Variants in C2CD5 observed in about 807,000 individuals in gnomAD.
C2CD5 encodes C2 domain-containing protein 5.
C2CD5 carries 109 observed loss-of-function variants against 130.3 expected under a neutral mutation model. That is an observed-to-expected ratio of 0.84 (90% confidence interval 0.72 to 0.98). The LOEUF (loss-of-function observed/expected upper bound fraction) is 0.98. Among genes scored for constraint, C2CD5 ranks in the 50% least tolerant of loss-of-function variants. C2CD5 has a pLI of 0.00. For synonymous variants in C2CD5, 454 were observed against 429.2 expected, an observed-to-expected ratio of 1.06 and a Z score of -0.71; for missense variants, 996 against 1,261.8, an observed-to-expected ratio of 0.79 and a Z score of 3.19.
In C2CD5 at chr12:22,459,545, A is replaced by G; in HGVS notation, c.2534-3T>C. 6.6e-7 allele frequency: 1 copy of G among 1,520,154 alleles called. No individual in the cohort carries two copies. The highest frequency in any genetic ancestry group is 8.8e-7 in the Non-Finnish European group (1 of 1,132,568). The allele number at this position is 1,520,154 out of a possible 1,614,324, so 94.2% of individuals were successfully genotyped here. A position where few individuals can be genotyped will look rare whatever the true frequency, so the allele number is the denominator to read the frequency against. The stretch of plus-strand genomic sequence containing the variant: ...AGAACTTGCACTCTCCAGGTGTTCT[A>G]ATAAGACAATATGAACAACATTAGC... On this transcript the variant is annotated splice_polypyrimidine_tract_variant and splice_region_variant and intron_variant, in intron 22 of 26. Coordinates refer to ENST00000446597, the MANE Select transcript of C2CD5 (RefSeq NM_001286176.2).
chr12:22,472,926 T>C, intron 16 of C2CD5, 119 bp from the exon 17 acceptor site: 1 of 642,664 alleles, frequency 1.6e-6, no homozygotes, highest in Non-Finnish European at 2.8e-6. Context: ...TAAAAATATG[T>C]AACAAGAAAA....
chr12:22,472,520 T>A (rs1943203446), intron 17 of C2CD5, 173 bp from the exon 18 acceptor site: 1 of 613,562 alleles, frequency 1.6e-6, no homozygotes, highest in African/African-American at 1.9e-5. Flanking sequence ...TCACAGGTTT[T>A]TTTTTCCGTG....
intron 10 of C2CD5, among the ~76,000 whole-genome samples, chr12:22,502,194 A>G (rs1379732662): frequency 2.0e-5 from 3 of 152,242 alleles, no homozygotes; most frequent in Non-Finnish European, 2.9e-5. Context: ...GGGAAGGAGG[A>G]AAGTTTAAGA....
intron 22 of C2CD5, among the ~76,000 whole-genome samples, chr12:22,469,239 A>T (rs138560588): frequency 0.031 from 4,719 of 152,262 alleles, 134 homozygotes; most frequent in South Asian, 0.054. Context: ...GCCACAGCAA[A>T]GACAGGAAGC....
At chr12:22,452,532 C>A (rs1218638033) in intron 26 of C2CD5, among the ~76,000 whole-genome samples, 1 of 152,008 alleles carries the variant, frequency 6.6e-6, no homozygotes, top group Non-Finnish European at 1.5e-5. Flanking sequence ...AATTATCTAC[C>A]AAAAACCCTC....
chr12:22,513,193 T>C, intron 9 of C2CD5, 101 bp downstream of exon 9: 1 of 828,910 alleles, frequency 1.2e-6, no homozygotes, highest in Non-Finnish European at 2.0e-6. Flanking sequence ...ATTATAGATA[T>C]GTAACCAAAA....
At chr12:22,492,709 C>T (rs965726812) in intron 11 of C2CD5, among the ~76,000 whole-genome samples, 14 of 152,050 alleles carry the variant, frequency 9.2e-5, no homozygotes, top group African/African-American at 3.4e-4. Context: ...GAATTGAGAA[C>T]CAAGTGTATG....
At chr12:22,540,364 G>A (rs1452308738) in intron 2 of C2CD5, among the ~76,000 whole-genome samples, 2 of 152,146 alleles carry the variant, frequency 1.3e-5, no homozygotes, top group African/African-American at 2.4e-5. Flanking sequence ...CCAGCATACT[G>A]TATCTTTTAC....
At chr12:22,459,845 T>C (rs1940745736) in intron 22 of C2CD5, among the ~76,000 whole-genome samples, 2 of 152,202 alleles carry the variant, frequency 1.3e-5, no homozygotes, top group Admixed American at 1.3e-4. Flanking sequence ...GTGAGTATGA[T>C]GAAAGCAGGA....
At chr12:22,510,476 A>C (rs529220920) in intron 9 of C2CD5, among the ~76,000 whole-genome samples, 1 of 152,328 alleles carries the variant, frequency 6.6e-6, no homozygotes, top group African/African-American at 2.4e-5. Context: ...TTCTTTTAAA[A>C]AGAGATTTAA....
At chr12:22,513,492 C>T in intron 8 of C2CD5, 113 bp from the exon 9 acceptor site, 2 of 743,836 alleles carry the variant, frequency 2.7e-6, no homozygotes, top group Admixed American at 3.8e-5. Context: ...ATGATCGAAA[C>T]ATTTAAAGCA....
At chr12:22,519,268 A>G in intron 7 of C2CD5, 1 of 1,529,088 alleles carries the variant, frequency 6.5e-7, no homozygotes, top group Non-Finnish European at 8.8e-7. Context: ...AAAGTGGAAG[A>G]AAAGAAAACA....
chr12:22,504,622 G>C (rs1948252748), intron 10 of C2CD5, among the ~76,000 whole-genome samples: 1 of 152,114 alleles, frequency 6.6e-6, no homozygotes, highest in African/African-American at 2.4e-5. Flanking sequence ...ATGTTTTTCA[G>C]TAAGCAGAAG....
rs1949932732 is a variant in C2CD5, at chr12:22,518,104, A to G, written c.834T>C (p.Thr278=). ...GAGGGGTTGAGGGTCCTGATGAGTG[A>G]GTATTGGGATTGGGATCTTCATTGA... ...IPFNEDPNPN[T]HSSGPSTPLK... is the part of the protein sequence containing the mutation. The change falls in exon 8 of 27, where the codon ACT becomes ACC. Residue 278 remains threonine (T), a synonymous_variant. Coordinates refer to ENST00000446597, the MANE Select transcript of C2CD5 (RefSeq NM_001286176.2). 2.5e-6 allele frequency: 4 copies of G among 1,613,808 alleles called. No homozygotes were observed. Among genetic ancestry groups the G allele is most frequent in the Non-Finnish European group, 3.4e-6 (4 of 1,179,738 alleles).
At chr12:22,491,586 A>G (rs111557474) in intron 11 of C2CD5, among the ~76,000 whole-genome samples, 1 of 152,092 alleles carries the variant, frequency 6.6e-6, no homozygotes, top group Non-Finnish European at 1.5e-5. Flanking sequence ...CTAAAACCAT[A>G]TCTCTGGCCG....
rs1591978369 is a variant in C2CD5, at chr12:22,523,524, T to C, written c.702A>G (p.Leu234=). The C allele has an allele frequency of 2.5e-6, 4 of 1,614,006 alleles. No homozygotes were observed. Among genetic ancestry groups the C allele is most frequent in the Non-Finnish European group, 3.4e-6 (4 of 1,179,964 alleles). Residue 234 remains leucine (L), a synonymous_variant, in exon 7 of 27, where the codon TTA becomes TTG. Transcript: ENST00000446597. ...QCFDLEGESG[L]VVRAIGTACT... Reference sequence around the variant, plus strand: ...ACGCCGTTCCTATGGCTCGCACCACTAACCCAGACTCGCCCTCCAGATCGA... The same window carrying C: ...ACGCCGTTCCTATGGCTCGCACCACCAACCCAGACTCGCCCTCCAGATCGA...
intron 14 of C2CD5, among the ~76,000 whole-genome samples, chr12:22,481,615 T>A (rs1353584717): frequency 1.3e-5 from 2 of 151,766 alleles, no homozygotes; most frequent in Non-Finnish European, 1.5e-5. Flanking sequence ...AGCTTTTTCT[T>A]GTCTCATATT....
In C2CD5 at chr12:22,458,220, A is replaced by G. The variant is rs1940364919; in HGVS notation, c.2686+264T>C. On this transcript the variant is annotated intron_variant, in intron 24 of 26. Transcript: ENST00000446597. ...AGTTGGCAATTTACTTCCAATTAGAATGATATAATATCTATTTATATACTT... is the reference window on the plus strand; with the variant it reads ...AGTTGGCAATTTACTTCCAATTAGAGTGATATAATATCTATTTATATACTT... 2.6e-5 allele frequency among the ~76,000 whole-genome samples: 4 copies of G among 152,304 alleles called. 1 individual carries two copies. The South Asian group carries it at 8.3e-4, about 32-fold the overall frequency.
intron 2 of C2CD5, among the ~76,000 whole-genome samples, chr12:22,543,726 A>ATGTG (rs1425079166): frequency 2.6e-5 from 3 of 117,154 alleles, no homozygotes; most frequent in African/African-American, 1.2e-4. Context: ...GTGTGTGTGT[A>ATGTG]TGTGTGTGAG....
Sources: gnomAD v4.1 joint callset for allele counts (sites outside exome capture counted in the v4.1 genomes callset) on GRCh38, gnomAD v4.1.1 for gene constraint, MANE v1.5 for transcripts, NCBI Gene and HGNC (gene_info 2026-07-23, HGNC 2026-07-21) for gene names.